FAM20A: variants seen among roughly 807,000 people sequenced by gnomAD.
The protein encoded by FAM20A is pseudokinase FAM20A.
A neutral mutation model predicts 52.0 loss-of-function variants in FAM20A; 42 were observed. The observed-to-expected ratio is 0.81, with a 90% confidence interval of 0.63 to 1.04. The LOEUF (loss-of-function observed/expected upper bound fraction) is 1.04. Ranked by LOEUF, FAM20A falls within the 50% of genes least tolerant of loss-of-function variation. The pLI, the probability that FAM20A is intolerant of heterozygous loss-of-function variation, is 0.00. For missense variants in FAM20A, 742 were observed against 712.7 expected (o/e 1.04, Z -0.47); for synonymous variants, 304 against 298.9 (o/e 1.02, Z -0.18).
intron 1 of FAM20A, among the ~76,000 whole-genome samples, chr17:68,586,028 C>T (rs1484619233): frequency 6.6e-6 from 1 of 152,102 alleles, no homozygotes; most frequent in Non-Finnish European, 1.5e-5. Flanking sequence ...TGCTTTTTAC[C>T]TTATAGACAT....
At chr17:68,583,231 A>G (rs1241039250) in intron 1 of FAM20A, among the ~76,000 whole-genome samples, 1 of 152,198 alleles carries the variant, frequency 6.6e-6, no homozygotes, top group Non-Finnish European at 1.5e-5. Flanking sequence ...CCATCTTTCT[A>G]TTAGTTTTCT....
chr17:68,558,868 C>T (rs1245366148), intron 1 of FAM20A, among the ~76,000 whole-genome samples: 4 of 152,168 alleles, frequency 2.6e-5, no homozygotes, highest in Non-Finnish European at 5.9e-5. Flanking sequence ...AAGCGATTCT[C>T]CTGCCTCAGC....
intron 1 of FAM20A, among the ~76,000 whole-genome samples, chr17:68,562,324 A>ATAT (rs2087237054): frequency 2.0e-5 from 3 of 152,236 alleles, no homozygotes; most frequent in Non-Finnish European, 4.4e-5. Flanking sequence ...ATATGTAGTG[A>ATAT]CGTAGAAGGA....
At chr17:68,554,109 CAT>C (rs574043253) in intron 3 of FAM20A, among the ~76,000 whole-genome samples, 10 of 144,792 alleles carry the variant, frequency 6.9e-5, no homozygotes, top group Middle Eastern at 3.5e-3. Context: ...TATATATACA[CAT>C]ATATGTATAC....
In FAM20A at chr17:68,555,311, C is replaced by T. The variant is rs117934441; in HGVS notation, c.589+248G>A. 0.019 allele frequency among the ~76,000 whole-genome samples: 2,956 copies of T among 152,320 alleles called. 50 individuals carry two copies. The highest frequency in any genetic ancestry group is 0.034 in the Middle Eastern group (10 of 294). On this transcript the variant is annotated intron_variant, in intron 2 of 10. Transcript: ENST00000592554. The stretch of plus-strand genomic sequence containing the variant: ...AATGTCGCCTGCTTCAAAAGCAACA[C>T]TCAATAAATGGTAGCGATCACCTTC...
At chr17:68,550,420 G>A (rs533248493) in intron 4 of FAM20A, among the ~76,000 whole-genome samples, 3 of 120,608 alleles carry the variant, frequency 2.5e-5, no homozygotes, top group Non-Finnish European at 4.7e-5. Context: ...TCCCTCTGTT[G>A]CCCAGGCTGG....
chr17:68,574,414 G>C (rs765364049), intron 1 of FAM20A, among the ~76,000 whole-genome samples: 1 of 152,030 alleles, frequency 6.6e-6, no homozygotes, highest in Non-Finnish European at 1.5e-5. Context: ...CCACTCCCAC[G>C]ATAACCCGTT....
At chr17:68,555,844 A>G in intron 1 of FAM20A, 101 bp from the exon 2 acceptor site, 1 of 1,338,006 alleles carries the variant, frequency 7.5e-7, no homozygotes, top group Non-Finnish European at 1.1e-6. Context: ...TTTATTCCAC[A>G]AGTGTATTAA....
intron 1 of FAM20A, among the ~76,000 whole-genome samples, chr17:68,572,045 G>T (rs1423842026): frequency 8.0e-4 from 72 of 90,514 alleles, no homozygotes; most frequent in African/African-American, 2.3e-3. Flanking sequence ...TATATATGTA[G>T]CAGGGAATAT....
chr17:68,579,013 C>CA (rs377749546), intron 1 of FAM20A, among the ~76,000 whole-genome samples: 3,249 of 103,332 alleles, frequency 0.031, 98 homozygotes, highest in African/African-American at 0.097. Flanking sequence ...GACTCTGTTT[C>CA]AAAAAAAAAA....
chr17:68,581,461 CCTTTCTTTCTTTCTTT>C (rs68182732), intron 1 of FAM20A, among the ~76,000 whole-genome samples: 6 of 119,106 alleles, frequency 5.0e-5, no homozygotes, highest in Non-Finnish European at 6.8e-5. Flanking sequence ...TTCTTTCTTT[CCTTTCTTTCTTTCTTT>C]CTTTCTTTCT....
rs2086075404 is a variant in FAM20A at position 68,535,582 on chromosome 17, G to C, written c.*1895C>G. 2.2e-6 allele frequency: 1 copy of C among 453,962 alleles called. No individual in the cohort carries two copies. Among genetic ancestry groups the C allele is most frequent in the Admixed American group, 2.4e-5 (1 of 42,548 alleles). The allele number at this position is 453,962 out of a possible 1,614,324, so 28.1% of individuals were successfully genotyped here. On this transcript the variant is annotated 3_prime_UTR_variant, in exon 11 of 11. Coordinates refer to ENST00000592554, the MANE Select transcript of FAM20A (RefSeq NM_017565.4). ...AGCAGGAGAGACAGTGAATGAAGTG[G>C]GGAGCCCTATGCTGCAGTAGGGCCA...
In FAM20A at chr17:68,564,437, C is replaced by T. The variant is rs193078906; in HGVS notation, c.405-8694G>A. ...TCAAAAACACTGTTCTACTGGCTAA[C>T]CAGAAACAACCAGCTTTGCAAGCCA... is the stretch of plus-strand genomic sequence containing the variant. On this transcript the variant is annotated intron_variant, in intron 1 of 10. Coordinates refer to ENST00000592554, the MANE Select transcript of FAM20A (RefSeq NM_017565.4). 3.9e-5 allele frequency among the ~76,000 whole-genome samples: 6 copies of T among 152,276 alleles called. No individual in the cohort carries two copies. In the East Asian group the frequency reaches 5.8e-4, roughly 15 times the overall value.
chr17:68,546,829 CAAAAAA>C, intron 4 of FAM20A, among the ~76,000 whole-genome samples: 1 of 84,008 alleles, frequency 1.2e-5, no homozygotes, highest in Admixed American at 1.3e-4. Context: ...GACTACGGCT[CAAAAAA>C]AAAAAAAAAA....
intron 1 of FAM20A, among the ~76,000 whole-genome samples, chr17:68,595,624 C>G (rs1284865114): frequency 2.6e-5 from 4 of 151,914 alleles, no homozygotes; most frequent in Non-Finnish European, 5.9e-5. Flanking sequence ...CACAGGAGGC[C>G]ACTTCCTGTC....
chr17:68,571,862 T>C (rs1568761671), intron 1 of FAM20A, among the ~76,000 whole-genome samples: 1 of 151,052 alleles, frequency 6.6e-6, no homozygotes, highest in Non-Finnish European at 1.5e-5. Context: ...AGAGTAAAGG[T>C]TTATTTAGAA....
At chr17:68,590,943 C>G (rs1489764001) in intron 1 of FAM20A, among the ~76,000 whole-genome samples, 1 of 152,138 alleles carries the variant, frequency 6.6e-6, no homozygotes, top group Non-Finnish European at 1.5e-5. Flanking sequence ...CAATGAGCAT[C>G]TTTGCCCAGG....
chr17:68,599,345 C>G (rs1450328067), intron 1 of FAM20A, among the ~76,000 whole-genome samples: 1 of 152,196 alleles, frequency 6.6e-6, no homozygotes, highest in Non-Finnish European at 1.5e-5. Context: ...TACTTCAAAA[C>G]AGAGTCCTTA....
intron 1 of FAM20A, among the ~76,000 whole-genome samples, chr17:68,586,888 CT>C: frequency 6.6e-6 from 1 of 152,076 alleles, no homozygotes; most frequent in East Asian, 1.9e-4. Flanking sequence ...TGACTTCCAA[CT>C]TTCTTTTTTT....
Sources: allele counts gnomAD v4.1 joint callset (sites outside exome capture counted in the v4.1 genomes callset), GRCh38; gene constraint gnomAD v4.1.1; transcripts MANE v1.5; gene names NCBI Gene and HGNC (gene_info 2026-07-23, HGNC 2026-07-21).